The following CCDC187 variants were observed in gnomAD, a reference collection of about 807,000 sequenced individuals.
CCDC187 encodes the protein coiled-coil domain-containing protein 187.
CCDC187 carries 32 observed loss-of-function variants against 38.0 expected under a neutral mutation model. The ratio of observed to expected loss-of-function variants is 0.84; its 90% confidence interval spans 0.64 to 1.13. The LOEUF (loss-of-function observed/expected upper bound fraction) is 1.13. Ranked by LOEUF, CCDC187 falls within the 50% of genes most tolerant of loss-of-function variation. The pLI, the probability that CCDC187 is intolerant of heterozygous loss-of-function variation, is 0.00. For synonymous variants in CCDC187, 333 were observed against 347.9 expected (o/e 0.96, Z 0.48); for missense variants, 707 against 786.8 (o/e 0.90, Z 1.21).
intron 14 of CCDC187, among the ~76,000 whole-genome samples, chr9:136,271,762 C>T (rs62579931): frequency 0.11 from 16,312 of 151,644 alleles, 1,212 homozygotes; most frequent in Admixed American, 0.2. Flanking sequence ...CACCCGCCAC[C>T]GCATCTGGCT....
At chr9:136,287,945 C>T (rs1205948089) in intron 7 of CCDC187, among the ~76,000 whole-genome samples, 2 of 152,212 alleles carry the variant, frequency 1.3e-5, no homozygotes, top group Non-Finnish European at 2.9e-5. Flanking sequence ...ATCCTCCCAC[C>T]TCAGCCTCCC....
intron 9 of CCDC187, among the ~76,000 whole-genome samples, chr9:136,285,245 TC>T (rs1831146656): frequency 6.6e-6 from 1 of 151,810 alleles, no homozygotes; most frequent in Non-Finnish European, 1.5e-5. Flanking sequence ...ACCAGTGGCG[TC>T]CCCGAGGCCC....
intron 25 of CCDC187, among the ~76,000 whole-genome samples, chr9:136,255,453 C>T (rs1486682131): frequency 2.6e-5 from 4 of 152,194 alleles, no homozygotes; most frequent in African/African-American, 9.7e-5. Flanking sequence ...GTGGGTGGAT[C>T]CAGACAGAGG....
chr9:136,261,437 C>T (rs532522004), intron 19 of CCDC187, among the ~76,000 whole-genome samples: 5 of 152,284 alleles, frequency 3.3e-5, no homozygotes, highest in African/African-American at 1.2e-4. Flanking sequence ...GGAGGGTGGG[C>T]TGACACCCAT....
intron 7 of CCDC187, 115 bp downstream of exon 7, chr9:136,289,844 G>A (rs1268011210): frequency 7.6e-6 from 3 of 394,876 alleles, no homozygotes; most frequent in African/African-American, 6.2e-5. Flanking sequence ...CCCCACCTGA[G>A]GAGCCTCTCG....
intron 7 of CCDC187, among the ~76,000 whole-genome samples, chr9:136,289,342 G>A (rs1341900878): frequency 6.6e-6 from 1 of 151,818 alleles, no homozygotes; most frequent in Non-Finnish European, 1.5e-5. Flanking sequence ...ATGTGGTGAA[G>A]CCCCGTCTCT....
At chr9:136,278,599 C>A (rs1271741038) in intron 10 of CCDC187, among the ~76,000 whole-genome samples, 2 of 144,832 alleles carry the variant, frequency 1.4e-5, no homozygotes, top group African/African-American at 5.8e-5. Flanking sequence ...TGGCACATGG[C>A]AGCTGCGGTC....
At chr9:136,300,723 G>A (rs979347763) in intron 2 of CCDC187, among the ~76,000 whole-genome samples, 40 of 151,884 alleles carry the variant, frequency 2.6e-4, no homozygotes, top group Admixed American at 8.5e-4. Context: ...TCAGCCTCCC[G>A]AGTAACTGGG....
At chr9:136,259,726 G>A (rs1469051745) in intron 20 of CCDC187, among the ~76,000 whole-genome samples, 6 of 152,200 alleles carry the variant, frequency 3.9e-5, no homozygotes, top group Non-Finnish European at 7.4e-5. Flanking sequence ...CTTCTGCCCT[G>A]GCCAGGGGCT....
upstream of CCDC187, among the ~76,000 whole-genome samples, chr9:136,305,021 C>T (rs934804314): frequency 1.1e-4 from 17 of 152,316 alleles, no homozygotes; most frequent in African/African-American, 4.1e-4. Flanking sequence ...GGCACGGGGC[C>T]CAGGGGAGAT....
chr9:136,252,580 G>A lies in CCDC187; in HGVS notation c.*1014C>T. The A allele has an allele frequency of 6.0e-6, 1 of 166,244 alleles. No homozygotes were observed. The highest frequency in any genetic ancestry group is 1.3e-5 in the Non-Finnish European group (1 of 76,616). 10.3% of individuals were successfully genotyped at this position (166,244 alleles called of 1,614,324 possible). A position where few individuals can be genotyped will look rare whatever the true frequency, so the allele number is the denominator to read the frequency against. ...ACTGTCCCGCACAGCCGGCCGCCCGGCCGGTCCACCCTGGGAAAGTCCAGG... is the reference window on the plus strand; with the variant it reads ...ACTGTCCCGCACAGCCGGCCGCCCGACCGGTCCACCCTGGGAAAGTCCAGG... On this transcript the variant is annotated 3_prime_UTR_variant, in exon 26 of 26. Transcript: ENST00000638797.
rs989378265 is a variant in CCDC187 at position 136,276,637 on chromosome 9, G to A, written c.3117+14C>T. On this transcript the variant is annotated intron_variant, in intron 11 of 25. Transcript: ENST00000638797. ...GCAGAAAGGGGACCCAGCTGTCATCGGCCTTGGGCAAACCTTCAGAGAATC... is the reference window on the plus strand; with the variant it reads ...GCAGAAAGGGGACCCAGCTGTCATCAGCCTTGGGCAAACCTTCAGAGAATC... The A allele has an allele frequency of 6.6e-6, 1 of 152,054 alleles. No individual in the cohort carries two copies. The highest frequency in any genetic ancestry group is 1.5e-5 in the Non-Finnish European group (1 of 68,014). 9.4% of individuals were successfully genotyped at this position (152,054 alleles called of 1,614,324 possible).
intron 15 of CCDC187, chr9:136,267,799 T>A: frequency 3.1e-6 from 3 of 969,540 alleles, no homozygotes; most frequent in Non-Finnish European, 3.7e-6. Flanking sequence ...ATATACAACC[T>A]GGGCGGGGGC....
At position 136,290,522 on chromosome 9, in the gene CCDC187, G is replaced by T; in HGVS notation, c.2091C>A (p.Gly697=). 1 of 398,672 alleles carries T rather than the reference G, an allele frequency of 2.5e-6. No individual in the cohort carries two copies. The highest frequency in any genetic ancestry group is 4.4e-6 in the Non-Finnish European group (1 of 226,134). The allele number at this position is 398,672 out of a possible 1,614,324, so 24.7% of individuals were successfully genotyped here. Residue 697 remains glycine, a synonymous_variant, in exon 6 of 26, where the codon GGC becomes GGA. Coordinates refer to ENST00000638797, the MANE Select transcript of CCDC187 (RefSeq NM_001378188.1). Reference sequence around the variant, plus strand: ...CAGAACTGGGGACAAAGGTCACGATGCCAGGGGTGGTCCGGGAGACCACGG... The same window carrying T: ...CAGAACTGGGGACAAAGGTCACGATTCCAGGGGTGGTCCGGGAGACCACGG... The part of the protein sequence containing the change: ...AVPVVSRTTP[G]IVTFVPSSAQ...
At chr9:136,267,565 G>C (rs1830768710) in intron 15 of CCDC187, 54 bp from the exon 16 acceptor site, 2 of 985,594 alleles carry the variant, frequency 2.0e-6, no homozygotes, top group Non-Finnish European at 2.4e-6. Flanking sequence ...GTGCTTCCGG[G>C]CCTCGCGGGG....
At chr9:136,268,006 G>A (rs1830779280) in intron 15 of CCDC187, 43 bp downstream of exon 15, 1 of 985,064 alleles carries the variant, frequency 1.0e-6, no homozygotes, top group Non-Finnish European at 1.2e-6. Context: ...GCCGTGCTGG[G>A]TCCTGAAATT....
chr9:136,254,262 C>G lies in CCDC187; in HGVS notation c.5566G>C (p.Val1856Leu). ...TGGAGGGCTTCTCCTGTGTCTGACA[C>G]CCCCATCAGGCTCTCGCTGGTCCCA... Reference protein sequence around the residue: ...ASGTSESLMGVSDTGEALQAP... With the variant: ...ASGTSESLMGLSDTGEALQAP... Residue 1856 changes from valine to leucine, a missense_variant, in exon 26 of 26, where the codon GTG (valine) becomes CTG (leucine). Physicochemically the swap from Val to Leu is conservative, Grantham distance 32. Coordinates refer to ENST00000638797, the MANE Select transcript of CCDC187 (RefSeq NM_001378188.1). 1.0e-6 allele frequency: 1 copy of G among 984,644 alleles called. No individual in the cohort carries two copies. The highest frequency in any genetic ancestry group is 1.2e-6 in the Non-Finnish European group (1 of 829,264). The allele number at this position is 984,644 out of a possible 1,614,324, so 61.0% of individuals were successfully genotyped here.
chr9:136,293,465 T>TCACA (rs1186477613), intron 4 of CCDC187, among the ~76,000 whole-genome samples: 4 of 48,232 alleles, frequency 8.3e-5, no homozygotes, highest in African/African-American at 1.5e-4. Flanking sequence ...ACACTCACAC[T>TCACA]CACATGCTCA....
intron 19 of CCDC187, 128 bp downstream of exon 19, chr9:136,262,183 G>T: frequency 1.2e-6 from 1 of 850,156 alleles, no homozygotes; most frequent in Non-Finnish European, 1.4e-6. Flanking sequence ...GGGATGCCCA[G>T]GGCTACACGT....
Sources: allele counts gnomAD v4.1 joint callset (sites outside exome capture counted in the v4.1 genomes callset), GRCh38; gene constraint gnomAD v4.1.1; transcripts MANE v1.5; gene names NCBI Gene and HGNC (gene_info 2026-07-23, HGNC 2026-07-21).